LOXL3: variants seen among roughly 807,000 people sequenced by gnomAD.
LOXL3 encodes the protein lysyl oxidase like 3.
LOXL3 carries 60 observed loss-of-function variants against 91.8 expected under a neutral mutation model. The ratio of observed to expected loss-of-function variants is 0.65; its 90% CI spans 0.53 to 0.81. The LOEUF is 0.81. Ranked by LOEUF, LOXL3 falls within the 30% of genes least tolerant of loss-of-function variation. LOXL3 has a pLI of 0.00. For missense variants in LOXL3, 874 were observed against 1,000.4 expected, an observed-to-expected ratio of 0.87 and a Z score of 1.70; for synonymous variants, 355 against 387.6, an observed-to-expected ratio of 0.92 and a Z score of 0.99.
chr2:74,534,462 C>G (rs1165898743), intron 10 of LOXL3, 31 bp from the exon 11 acceptor site: 1 of 1,613,776 alleles, frequency 6.2e-7, no homozygotes, highest in Non-Finnish European at 8.5e-7. Flanking sequence ...CTGTTTCCTT[C>G]TCTGCCCCCA....
At chr2:74,554,725 C>T (rs1431208515), upstream of LOXL3, 2 of 1,611,106 alleles carry the variant, frequency 1.2e-6, no homozygotes, top group Non-Finnish European at 1.7e-6. This position sits in a 1 kb window ranked among gnomAD's most constrained non-coding sequence, Gnocchi z 4.9. Context: ...GCCGCAGGGC[C>T]AGGAAGCGCG....
intron 1 of LOXL3, chr2:74,552,888 A>G: frequency 4.2e-6 from 2 of 472,332 alleles, no homozygotes; most frequent in South Asian, 7.9e-5. Context: ...GACAACTATG[A>G]GAGATCGAGA....
At chr2:74,552,684 A>G (rs770429627) in intron 1 of LOXL3, 38 bp from the exon 2 acceptor site, 1 of 1,459,182 alleles carries the variant, frequency 6.9e-7, no homozygotes, top group Non-Finnish European at 9.1e-7. Flanking sequence ...TGAGAGAAAC[A>G]GATTGAGTGG....
At chr2:74,554,529 C>G, upstream of LOXL3, 1 of 572,726 alleles carries the variant, frequency 1.7e-6, no homozygotes, top group South Asian at 2.1e-5. The surrounding 1 kb of genome is among the most constrained non-coding windows in gnomAD (Gnocchi z 4.9). Context: ...GAGCCACTGG[C>G]GCGCCCCCAC....
chr2:74,552,985 G>A (rs968612257), intron 1 of LOXL3: 1 of 265,008 alleles, frequency 3.8e-6, no homozygotes, highest in Non-Finnish European at 7.1e-6. Flanking sequence ...GGATGTGAGA[G>A]GAAGGGAGAC....
In LOXL3 at chr2:74,549,837, C is replaced by T. The variant is rs1225055435; in HGVS notation, c.478-254G>A. 2 of 985,218 alleles carry T rather than the reference C, an allele frequency of 2.0e-6. No homozygotes were observed. The highest frequency in any genetic ancestry group is 6.2e-5 in the Admixed American group (1 of 16,260). 61.0% of individuals were successfully genotyped at this position (985,218 alleles called of 1,614,324 possible). ...AAGGAGGCCCTCCCTGTGCCTGGAG[C>T]AGGAGGGAGCACTTCAAAAAGGAAA... On this transcript the variant is annotated intron_variant, in intron 3 of 13. Coordinates refer to ENST00000264094, the MANE Select transcript of LOXL3 (RefSeq NM_032603.5). The surrounding 1 kb of genome is among the most constrained non-coding windows in gnomAD (Gnocchi z 5.3).
Position 74,535,247 on chromosome 2 carries a change from C to G in LOXL3, c.1579+45G>C. 6.3e-7 allele frequency: 1 copy of G among 1,577,360 alleles called. No individual in the cohort carries two copies. The highest frequency in any genetic ancestry group is 2.3e-5 in the East Asian group (1 of 44,356). ...CCCCTTTCCCTGCAAACGGGTGGCC[C>G]AGACACTCCCTTCCCTGGCATGCAT... On this transcript the variant is annotated intron_variant, in intron 9 of 13. Coordinates refer to ENST00000264094, the MANE Select transcript of LOXL3 (RefSeq NM_032603.5). This position sits in a 1 kb window ranked among gnomAD's most constrained non-coding sequence, Gnocchi z 4.2.
rs750837272 is a variant in LOXL3 at position 74,536,760 on chromosome 2, G to A, written c.861C>T (p.Tyr287=). 8.8e-5 allele frequency: 142 copies of A among 1,614,062 alleles called. 1 individual carries two copies. The highest frequency in any genetic ancestry group is 5.9e-4 in the South Asian group (54 of 91,086). ...AVVSCVPGPV[Y]AASSGQKKQQ... is the part of the protein sequence containing the mutation. ...GCTTCTTCTGGCCACTGGATGCCGC[G>A]TAGACAGGGCCTGGCACACAGCTCA... The change falls in exon 5 of 14, where the codon TAC becomes TAT. Residue 287 remains tyrosine (Y), a synonymous_variant. Coordinates refer to ENST00000264094, the MANE Select transcript of LOXL3 (RefSeq NM_032603.5). This position sits in a 1 kb window ranked among gnomAD's most constrained non-coding sequence, Gnocchi z 4.5.
At chr2:74,540,837 T>TTGTTAGAAGCAGGGTCTCACTA (rs1676285676) in intron 4 of LOXL3, among the ~76,000 whole-genome samples, 1 of 151,882 alleles carries the variant, frequency 6.6e-6, no homozygotes, top group South Asian at 2.1e-4. Context: ...TGGCTAATAT[T>TTGTTAGAAGCAGGGTCTCACTA]TGTTAGAAGC....
chr2:74,554,514 C>A, upstream of LOXL3: 1 of 568,696 alleles, frequency 1.8e-6, no homozygotes, highest in South Asian at 2.1e-5. This position sits in a 1 kb window ranked among gnomAD's most constrained non-coding sequence, Gnocchi z 4.9. Context: ...CGAGGACTTT[C>A]GGTGGAGCCA....
Position 74,534,371 on chromosome 2 carries a change from C to T in LOXL3, c.1884G>A (p.Lys628=). ...HYDILTPNGT[K]VAEGHKASFC... is the part of the protein sequence containing the mutation. ...AACTAGCTTTGTGGCCCTCAGCCACCTTGGTGCCATTTGGGGTGAGGATAT... is the reference window on the plus strand; with the variant it reads ...AACTAGCTTTGTGGCCCTCAGCCACTTTGGTGCCATTTGGGGTGAGGATAT... The change falls in exon 11 of 14, where the codon AAG becomes AAA. Residue 628 remains lysine (K), a synonymous_variant. Transcript: ENST00000264094. The T allele has an allele frequency of 6.2e-7, 1 of 1,614,262 alleles. No homozygotes were observed.
intron 4 of LOXL3, among the ~76,000 whole-genome samples, chr2:74,546,746 C>T (rs187367292): frequency 2.8e-4 from 42 of 152,244 alleles, no homozygotes; most frequent in African/African-American, 9.1e-4. Context: ...GACGGAGTTT[C>T]GCTCTTGTTG....
At chr2:74,555,455 T>C, upstream of LOXL3, 10 of 1,608,730 alleles carry the variant, frequency 6.2e-6, no homozygotes, top group Non-Finnish European at 8.5e-6. The surrounding 1 kb of genome is among the most constrained non-coding windows in gnomAD (Gnocchi z 6.1). Flanking sequence ...GCCTTTCCGG[T>C]GAGGAGCTGC....
chr2:74,536,566 G>T lies in LOXL3; in HGVS notation c.913-95C>A. The T allele has an allele frequency of 6.8e-7, 1 of 1,462,414 alleles. No individual in the cohort carries two copies. The highest frequency in any genetic ancestry group is 9.3e-7 in the Non-Finnish European group (1 of 1,071,310). The allele number at this position is 1,462,414 out of a possible 1,614,324, so 90.6% of individuals were successfully genotyped here. A position where few individuals can be genotyped will look rare whatever the true frequency, so the allele number is the denominator to read the frequency against. Reference sequence around the variant, plus strand: ...AGATGAGTGAGACTTTGGTGGAAGGGAGTGGGTGGTATCAGGTCTGTGGCC... The same window carrying T: ...AGATGAGTGAGACTTTGGTGGAAGGTAGTGGGTGGTATCAGGTCTGTGGCC... On this transcript the variant is annotated intron_variant, in intron 5 of 13. Transcript: ENST00000264094. The surrounding 1 kb of genome is among the most constrained non-coding windows in gnomAD (Gnocchi z 4.5).
chr2:74,545,980 A>G lies in LOXL3; in HGVS notation c.692+3389T>C, dbSNP rs1410570698. Among the ~76,000 whole-genome samples the G allele has an allele frequency of 2.6e-5, 4 of 152,252 alleles. No homozygotes were observed. The East Asian group carries it at 7.7e-4, about 29-fold the overall frequency. On this transcript the variant is annotated intron_variant, in intron 4 of 13. Coordinates refer to ENST00000264094, the MANE Select transcript of LOXL3 (RefSeq NM_032603.5). ...ACCAAGTTCCTACCCTCCACCCCCA[A>G]GCCCATCTCCCAACAAAACATGCTC... is the stretch of plus-strand genomic sequence containing the variant.
Position 74,549,776 on chromosome 2 carries a change from T to C in LOXL3, c.478-193A>G. 7.0e-7 allele frequency: 1 copy of C among 1,425,852 alleles called. No individual in the cohort carries two copies. The highest frequency in any genetic ancestry group is 9.2e-7 in the Non-Finnish European group (1 of 1,092,504). 88.3% of individuals were successfully genotyped at this position (1,425,852 alleles called of 1,614,324 possible). On this transcript the variant is annotated intron_variant, in intron 3 of 13. Coordinates refer to ENST00000264094, the MANE Select transcript of LOXL3 (RefSeq NM_032603.5). This position sits in a 1 kb window ranked among gnomAD's most constrained non-coding sequence, Gnocchi z 5.3. The stretch of plus-strand genomic sequence containing the variant: ...CTCTTGCAGCCAGCAGCGCGTGGGA[T>C]GTGCTGTGCTCCCAGAGAGGATTCA...
At chr2:74,544,915 G>A (rs989800518) in intron 4 of LOXL3, among the ~76,000 whole-genome samples, 2 of 152,156 alleles carry the variant, frequency 1.3e-5, no homozygotes, top group Non-Finnish European at 2.9e-5. Context: ...CAGGGCTCCC[G>A]CAATCTCTTT....
In LOXL3 at chr2:74,549,739, G is replaced by A; in HGVS notation, c.478-156C>T. The stretch of plus-strand genomic sequence containing the variant: ...AGAGCGGCCACGATGGCCGCAGTCC[G>A]CGGTGTGGACTCTCTTGCAGCCAGC... On this transcript the variant is annotated intron_variant, in intron 3 of 13. Coordinates refer to ENST00000264094, the MANE Select transcript of LOXL3 (RefSeq NM_032603.5). This position sits in a 1 kb window ranked among gnomAD's most constrained non-coding sequence, Gnocchi z 5.3. 1 of 1,441,578 alleles carries A rather than the reference G, an allele frequency of 6.9e-7. No individual in the cohort carries two copies. Among genetic ancestry groups the A allele is most frequent in the South Asian group, 1.5e-5 (1 of 66,458 alleles). The allele number at this position is 1,441,578 out of a possible 1,614,324, so 89.3% of individuals were successfully genotyped here.
intron 2 of LOXL3, among the ~76,000 whole-genome samples, chr2:74,550,887 G>C (rs1676962212): frequency 6.6e-6 from 1 of 151,012 alleles, no homozygotes; most frequent in East Asian, 1.9e-4. Flanking sequence ...TGCCCGCCCT[G>C]TCTGTGCTGC....
Sources: allele counts gnomAD v4.1 joint callset (sites outside exome capture counted in the v4.1 genomes callset), GRCh38; gene constraint gnomAD v4.1.1; non-coding constraint Gnocchi (gnomAD v3.1); transcripts MANE v1.5; gene names NCBI Gene and HGNC (gene_info 2026-07-23, HGNC 2026-07-21).